GTF2E1: variants seen among roughly 807,000 people sequenced by gnomAD.
GTF2E1 encodes TFIIE alpha subunit.
GTF2E1 carries 14 observed loss-of-function variants against 34.9 expected under a neutral mutation model. The ratio of observed to expected loss-of-function variants is 0.40; its 90% confidence interval spans 0.27 to 0.63. The LOEUF (loss-of-function observed/expected upper bound fraction) is 0.63, where lower values mean the gene tolerates loss of function less well. Among genes scored for constraint, GTF2E1 ranks in the 20% least tolerant of loss-of-function variants. The pLI is 0.39. For synonymous variants in GTF2E1, 188 were observed against 192.9 expected, an observed-to-expected ratio of 0.97 and a Z score of 0.21; for missense variants, 469 against 557.7, an observed-to-expected ratio of 0.84 and a Z score of 1.60.
At chr3:120,748,210 C>T (rs1709125527) in intron 1 of GTF2E1, among the ~76,000 whole-genome samples, 1 of 151,212 alleles carries the variant, frequency 6.6e-6, no homozygotes, top group Admixed American at 6.6e-5. Context: ...TGCCTGTTCA[C>T]TCTGATGGTA....
intron 1 of GTF2E1, among the ~76,000 whole-genome samples, chr3:120,743,585 A>T (rs1425408256): frequency 6.6e-6 from 1 of 152,238 alleles, no homozygotes; most frequent in Non-Finnish European, 1.5e-5. Flanking sequence ...AAGTACAAGA[A>T]GGGGGAAAGA....
At chr3:120,768,657 G>A (rs189829957) in intron 2 of GTF2E1, among the ~76,000 whole-genome samples, 1 of 152,204 alleles carries the variant, frequency 6.6e-6, no homozygotes, top group African/African-American at 2.4e-5. Context: ...TCTCACATTG[G>A]TGTGTTTTTT....
At chr3:120,746,136 A>G (rs1053865976) in intron 1 of GTF2E1, among the ~76,000 whole-genome samples, 4 of 152,178 alleles carry the variant, frequency 2.6e-5, no homozygotes, top group African/African-American at 9.7e-5. Context: ...GGTACTGTGG[A>G]TATAAAAATA....
intron 2 of GTF2E1, among the ~76,000 whole-genome samples, chr3:120,757,059 C>T (rs73183717): frequency 0.021 from 3,250 of 152,242 alleles, 55 homozygotes; most frequent in Middle Eastern, 0.054. Context: ...GATTTTGATA[C>T]AATATTCTAT....
At chr3:120,765,966 T>G (rs1259590973) in intron 2 of GTF2E1, among the ~76,000 whole-genome samples, 2 of 152,208 alleles carry the variant, frequency 1.3e-5, no homozygotes, top group East Asian at 1.9e-4. Context: ...TTTTGCCTTC[T>G]TGATCTTATA....
intron 1 of GTF2E1, among the ~76,000 whole-genome samples, chr3:120,749,466 G>A (rs1709143225): frequency 6.6e-6 from 1 of 152,176 alleles, no homozygotes; most frequent in African/African-American, 2.4e-5. Context: ...AGCATGAAGA[G>A]TTGTTGAATT....
chr3:120,781,654 C>A lies in GTF2E1; in HGVS notation c.*184C>A. Reference sequence around the variant, plus strand: ...GAAACTTTCCCAGCAAGGTAGGGTGCTGAGAATCCTACCCTTCCTTGCTGT... The same window carrying A: ...GAAACTTTCCCAGCAAGGTAGGGTGATGAGAATCCTACCCTTCCTTGCTGT... On this transcript the variant is annotated 3_prime_UTR_variant, in exon 5 of 5. Transcript: ENST00000283875. 1.7e-6 allele frequency: 1 copy of A among 588,450 alleles called. No homozygotes were observed. The highest frequency in any genetic ancestry group is 2.2e-5 in the South Asian group (1 of 46,086). The allele number at this position is 588,450 out of a possible 1,614,324, so 36.5% of individuals were successfully genotyped here.
chr3:120,756,255 C>T (rs759714200), intron 2 of GTF2E1, among the ~76,000 whole-genome samples: 20 of 152,182 alleles, frequency 1.3e-4, no homozygotes, highest in Admixed American at 1.0e-3. Context: ...CTTTCCTCCA[C>T]GTTCTTGCCA....
chr3:120,760,273 G>A (rs928261469), intron 2 of GTF2E1, among the ~76,000 whole-genome samples: 1 of 152,164 alleles, frequency 6.6e-6, no homozygotes, highest in African/African-American at 2.4e-5. Context: ...TCTGCACATT[G>A]ATTTTGTGTC....
In GTF2E1 at chr3:120,769,667, G is replaced by A. The variant is rs548291713; in HGVS notation, c.449-1061G>A. Among the ~76,000 whole-genome samples the A allele has an allele frequency of 3.9e-5, 6 of 152,248 alleles. No individual in the cohort carries two copies. In the South Asian group the frequency reaches 8.3e-4, roughly 21 times the overall value. On this transcript the variant is annotated intron_variant, in intron 2 of 4. Coordinates refer to ENST00000283875, the MANE Select transcript of GTF2E1 (RefSeq NM_005513.3). ...TCCTTGCTTTTGTCTGTTCTCAGAC[G>A]CAATTCCACAGTGGCTTGGGTTTGC...
At chr3:120,759,776 C>CT (rs1285682872) in intron 2 of GTF2E1, among the ~76,000 whole-genome samples, 1 of 152,176 alleles carries the variant, frequency 6.6e-6, no homozygotes, top group Non-Finnish European at 1.5e-5. Flanking sequence ...TCTGAGGCCT[C>CT]TGTTCTGTTC....
At position 120,763,792 on chromosome 3, in the gene GTF2E1, G is replaced by A. The variant is rs910256721; in HGVS notation, c.449-6936G>A. On this transcript the variant is annotated intron_variant, in intron 2 of 4. Transcript: ENST00000283875. ...TGCTTTCACTCTTGGTTCCCGTGTA[G>A]ACTATTTGTCATAGCAACTAGTGAT... Among the ~76,000 whole-genome samples, 3 of 152,192 alleles carry A rather than the reference G, an allele frequency of 2.0e-5. No individual in the cohort carries two copies. The South Asian group carries it at 6.2e-4, about 32-fold the overall frequency.
At chr3:120,768,429 G>A (rs1375236717) in intron 2 of GTF2E1, among the ~76,000 whole-genome samples, 1 of 152,122 alleles carries the variant, frequency 6.6e-6, no homozygotes, top group Non-Finnish European at 1.5e-5. Context: ...GAGGGTTGGA[G>A]TATTAACCTT....
intron 2 of GTF2E1, among the ~76,000 whole-genome samples, chr3:120,754,309 G>GA (rs1161839662): frequency 1.3e-5 from 2 of 151,998 alleles, no homozygotes; most frequent in African/African-American, 2.4e-5. Context: ...AATTTGAAGA[G>GA]AAAAAAATCA....
At chr3:120,780,697 T>C (rs1455828673) in intron 4 of GTF2E1, among the ~76,000 whole-genome samples, 1 of 152,244 alleles carries the variant, frequency 6.6e-6, no homozygotes, top group Non-Finnish European at 1.5e-5. Flanking sequence ...TATATGTTTT[T>C]ATTCAGAACC....
Position 120,767,559 on chromosome 3 carries a change from T to C in GTF2E1, c.449-3169T>C, listed in dbSNP as rs186980917. On this transcript the variant is annotated intron_variant, in intron 2 of 4. Coordinates refer to ENST00000283875, the MANE Select transcript of GTF2E1 (RefSeq NM_005513.3). ...ATCGCACCCCATGGAAATTGGGGCA[T>C]GGGGAACTGGCTTAAATACTGACAC... 7.2e-5 allele frequency among the ~76,000 whole-genome samples: 11 copies of C among 152,288 alleles called. No individual in the cohort carries two copies. In the East Asian group the frequency reaches 2.1e-3, roughly 29 times the overall value.
chr3:120,765,662 G>A (rs976737276), intron 2 of GTF2E1, among the ~76,000 whole-genome samples: 1 of 152,144 alleles, frequency 6.6e-6, no homozygotes, highest in African/African-American at 2.4e-5. Flanking sequence ...TAAACTTAAC[G>A]CCTCTTAAGC....
At chr3:120,771,068 C>A in intron 3 of GTF2E1, 139 bp downstream of exon 3, 1 of 734,638 alleles carries the variant, frequency 1.4e-6, no homozygotes, top group Non-Finnish European at 2.4e-6. Flanking sequence ...TCAGTTGTGC[C>A]ACATTTGTCT....
At chr3:120,753,189 G>T (rs1229329762) in intron 2 of GTF2E1, among the ~76,000 whole-genome samples, 1 of 151,122 alleles carries the variant, frequency 6.6e-6, no homozygotes, top group Admixed American at 6.6e-5. Context: ...AGAAATCTTT[G>T]TGTTTTTCTC....
Sources: allele counts gnomAD v4.1 joint callset (sites outside exome capture counted in the v4.1 genomes callset), GRCh38; gene constraint gnomAD v4.1.1; transcripts MANE v1.5; gene names NCBI Gene and HGNC (gene_info 2026-07-23, HGNC 2026-07-21).